CDH4: variants seen among roughly 807,000 people sequenced by gnomAD.
The protein encoded by CDH4 is cadherin-4.
Under a neutral mutation model 86.0 loss-of-function variants are expected in CDH4, and 33 were observed. That is an observed-to-expected ratio of 0.38 (90% confidence interval 0.29 to 0.51). The LOEUF (loss-of-function observed/expected upper bound fraction) is 0.51. Ranked by LOEUF, CDH4 falls within the 20% of genes least tolerant of loss-of-function variation. The pLI, the probability that CDH4 is intolerant of heterozygous loss-of-function variation, is 0.86. For synonymous variants in CDH4, 555 were observed against 549.4 expected, an observed-to-expected ratio of 1.01 and a Z score of -0.14; for missense variants, 1,114 against 1,307.4, an observed-to-expected ratio of 0.85 and a Z score of 2.28.
Position 61,590,876 on chromosome 20 carries a change from T to TGCCG in CDH4, c.170-152686_170-152685insCCGG, listed in dbSNP as rs535456574. On this transcript the variant is annotated intron_variant, in intron 2 of 15. Coordinates refer to ENST00000614565, the MANE Select transcript of CDH4 (RefSeq NM_001794.5). The stretch of plus-strand genomic sequence containing the variant: ...CAAAGCCTTGTCTTCCCTAAATCTA[T>TGCCG]GGGGGGGGGGGTCCCCGGGTCTCCA... Among the ~76,000 whole-genome samples, 4 of 137,518 alleles carry TGCCG rather than the reference T, an allele frequency of 2.9e-5. No homozygotes were observed. The East Asian group carries it at 8.9e-4, about 31-fold the overall frequency. The allele number at this position is 137,518 out of a possible 152,430, so 90.2% of individuals were successfully genotyped here.
chr20:61,491,229 G>C (rs183137559), intron 2 of CDH4, among the ~76,000 whole-genome samples: 2 of 152,348 alleles, frequency 1.3e-5, no homozygotes, highest in African/African-American at 4.8e-5. Context: ...TTTCAGGAGA[G>C]TTTTCTCTGT....
At chr20:61,435,836 C>T (rs1327088462) in intron 2 of CDH4, 1 of 152,326 alleles carries the variant, frequency 6.6e-6, no homozygotes, top group Non-Finnish European at 1.5e-5. Context: ...GGGGTAAAGA[C>T]ACCAGCTGCC....
At chr20:61,883,585 A>G (rs1471163480) in intron 7 of CDH4, among the ~76,000 whole-genome samples, 1 of 152,216 alleles carries the variant, frequency 6.6e-6, no homozygotes, top group Non-Finnish European at 1.5e-5. Flanking sequence ...GGGCTCCAAG[A>G]GCCACTGGAA....
chr20:61,797,312 C>T (rs753244461), intron 4 of CDH4, among the ~76,000 whole-genome samples: 4 of 152,186 alleles, frequency 2.6e-5, no homozygotes, highest in Non-Finnish European at 5.9e-5. Flanking sequence ...GTGGGGAAGG[C>T]TCACGCCATC....
intron 2 of CDH4, among the ~76,000 whole-genome samples, chr20:61,327,189 A>G (rs1408852572): frequency 1.3e-5 from 2 of 152,266 alleles, no homozygotes; most frequent in Non-Finnish European, 2.9e-5. Flanking sequence ...CCCAGAAGCC[A>G]TAAAAGAAAA....
chr20:61,260,480 G>C (rs2084122394), intron 2 of CDH4, among the ~76,000 whole-genome samples: 1 of 152,200 alleles, frequency 6.6e-6, no homozygotes, highest in South Asian at 2.1e-4. Flanking sequence ...TGTATTGGGG[G>C]TTTTGCCTCT....
At chr20:61,647,556 T>TCTCTCTCTCTCTCTCTCTCTCTCTCC (rs1568731977) in intron 2 of CDH4, among the ~76,000 whole-genome samples, 7 of 105,882 alleles carry the variant, frequency 6.6e-5, no homozygotes, top group African/African-American at 2.1e-4. Flanking sequence ...CCTCTCCCTC[T>TCTCTCTCTCTCTCTCTCTCTCTCTCC]CCCTCTCCCT....
chr20:61,445,985 G>A (rs74389544), intron 2 of CDH4, among the ~76,000 whole-genome samples: 3,196 of 152,352 alleles, frequency 0.021, 67 homozygotes, highest in African/African-American at 0.048. Context: ...GTTGGTTACA[G>A]TGTAGCACAC....
At chr20:61,925,821 A>G (rs1053035393) in intron 11 of CDH4, among the ~76,000 whole-genome samples, 1 of 152,154 alleles carries the variant, frequency 6.6e-6, no homozygotes. Context: ...CGTCACAGCC[A>G]TGTTCTGGCA....
At chr20:61,731,454 G>A (rs16985526) in intron 2 of CDH4, among the ~76,000 whole-genome samples, 1,773 of 152,216 alleles carry the variant, frequency 0.012, 20 homozygotes, top group Non-Finnish European at 0.016. Context: ...GAAAGTGCAC[G>A]CCGTCCCATC....
intron 3 of CDH4, among the ~76,000 whole-genome samples, chr20:61,759,932 C>T (rs988399391): frequency 2.0e-5 from 3 of 152,186 alleles, no homozygotes; most frequent in Admixed American, 1.3e-4. Context: ...GTTGAGAAAC[C>T]TGGTCTAAAG....
At chr20:61,772,919 C>G in intron 3 of CDH4, 84 bp from the exon 4 acceptor site, 1 of 1,269,326 alleles carries the variant, frequency 7.9e-7, no homozygotes, top group South Asian at 1.5e-5. Context: ...TCGGGCAGTA[C>G]AGATCATCTT....
intron 2 of CDH4, among the ~76,000 whole-genome samples, chr20:61,355,538 G>A (rs949569100): frequency 6.6e-5 from 10 of 152,168 alleles, no homozygotes; most frequent in Non-Finnish European, 1.0e-4. Flanking sequence ...CCAAGCTCCC[G>A]CACAGTCCTT....
At chr20:61,527,273 C>T (rs1281846935) in intron 2 of CDH4, among the ~76,000 whole-genome samples, 2 of 150,692 alleles carry the variant, frequency 1.3e-5, no homozygotes, top group African/African-American at 2.4e-5. Flanking sequence ...TTTTTTGAGG[C>T]AGAGTCTCAC....
At chr20:61,543,834 G>A (rs1055957339) in intron 2 of CDH4, among the ~76,000 whole-genome samples, 6 of 152,238 alleles carry the variant, frequency 3.9e-5, no homozygotes, top group African/African-American at 1.4e-4. Flanking sequence ...GGCAAAGGTG[G>A]ACCAAGGCTG....
chr20:61,611,901 C>T (rs2086688252), intron 2 of CDH4, among the ~76,000 whole-genome samples: 1 of 152,078 alleles, frequency 6.6e-6, no homozygotes, highest in Admixed American at 6.5e-5. Flanking sequence ...AGACTTGTGA[C>T]TGTGGATGGG....
At chr20:61,572,871 A>G (rs374881228) in intron 2 of CDH4, among the ~76,000 whole-genome samples, 394 of 98,988 alleles carry the variant, frequency 4.0e-3, no homozygotes, top group East Asian at 6.7e-3. Context: ...ATGGATGGAC[A>G]GACAGAGGGA....
intron 6 of CDH4, among the ~76,000 whole-genome samples, chr20:61,863,153 G>A (rs1038095399): frequency 3.9e-5 from 6 of 152,242 alleles, no homozygotes; most frequent in East Asian, 1.9e-4. Context: ...GCATGGCAGC[G>A]TTGGTACATG....
chr20:61,643,952 G>A lies in CDH4; in HGVS notation c.170-99611G>A, dbSNP rs143868843. The stretch of plus-strand genomic sequence containing the variant: ...AAGACTTTCTGGGAGAATTTTGCTA[G>A]AAGGGAGTGGTAGAATTCAACTCTG... On this transcript the variant is annotated intron_variant, in intron 2 of 15. Coordinates refer to ENST00000614565, the MANE Select transcript of CDH4 (RefSeq NM_001794.5). Among the ~76,000 whole-genome samples, 355 of 152,370 alleles carry A rather than the reference G, an allele frequency of 2.3e-3. 2 individuals carry two copies. The highest frequency in any genetic ancestry group is 0.01 in the Middle Eastern group (3 of 294).
Sources: allele counts gnomAD v4.1 joint callset (sites outside exome capture counted in the v4.1 genomes callset), GRCh38; gene constraint gnomAD v4.1.1; transcripts MANE v1.5; gene names NCBI Gene and HGNC (gene_info 2026-07-23, HGNC 2026-07-21).